Variants in SCN1A observed in about 807,000 individuals in gnomAD.
SCN1A encodes the protein sodium voltage-gated channel alpha subunit 1, also known as sodium channel protein type 1 subunit alpha.
In SCN1A, 13 loss-of-function variants were observed where a neutral mutation model predicts 193.7. That is an observed-to-expected ratio of 0.07 (90% CI 0.04 to 0.11). SCN1A has a LOEUF of 0.11. Among genes scored for constraint, SCN1A ranks in the 10% least tolerant of loss-of-function variants. The probability of loss-of-function intolerance (pLI) is 1.00; values close to 1 mark genes in which losing one functional copy is unlikely to be tolerated. For synonymous variants in SCN1A, 781 were observed against 843.6 expected, an observed-to-expected ratio of 0.93 and a Z score of 1.29; for missense variants, 1,432 against 2,451.1, an observed-to-expected ratio of 0.58 and a Z score of 8.78.
At chr2:166,020,683 A>C (rs1047374870) in intron 19 of SCN1A, among the ~76,000 whole-genome samples, 2 of 152,206 alleles carry the variant, frequency 1.3e-5, no homozygotes, top group Admixed American at 6.5e-5. Flanking sequence ...TAAATCCCCC[A>C]CATAGATACA....
chr2:166,103,254 C>A (rs573846079), intron 2 of SCN1A, among the ~76,000 whole-genome samples: 1 of 152,022 alleles, frequency 6.6e-6, no homozygotes, highest in Non-Finnish European at 1.5e-5. Context: ...AGCTCAAGAC[C>A]AGTCTGGCCA....
Position 165,994,300 on chromosome 2 carries a change from A to C in SCN1A, c.4698T>G (p.Ser1566Arg), listed in dbSNP as rs772966388. 7.4e-6 allele frequency: 12 copies of C among 1,613,112 alleles called. No individual in the cohort carries two copies. Among genetic ancestry groups the C allele is most frequent in the Non-Finnish European group, 8.5e-6 (10 of 1,179,488 alleles). ...VTMMVETDDQSEYVTTILSRI... is the reference protein window; with the variant it reads ...VTMMVETDDQREYVTTILSRI... ...GTGACAAAATGGTAGTCACATATTC[A>C]CTCTGGTCATCTGTTTCCACCATCA... The change falls in exon 28 of 29, where the codon AGT becomes AGG. Residue 1566 changes from serine (S) to arginine (R), a missense_variant. Coordinates refer to ENST00000674923, the MANE Select transcript of SCN1A (RefSeq NM_001165963.4).
intron 19 of SCN1A, among the ~76,000 whole-genome samples, chr2:166,018,412 C>T (rs1693599078): frequency 6.6e-6 from 1 of 151,984 alleles, no homozygotes; most frequent in Non-Finnish European, 1.5e-5. Flanking sequence ...CTTTTTGACA[C>T]ATTTTCAAAA....
At chr2:166,105,299 T>C (rs185236815) in intron 2 of SCN1A, among the ~76,000 whole-genome samples, 3 of 152,366 alleles carry the variant, frequency 2.0e-5, no homozygotes, top group African/African-American at 7.2e-5. Flanking sequence ...AGAATGAATT[T>C]GGTTATTAAC....
intron 2 of SCN1A, among the ~76,000 whole-genome samples, chr2:166,123,223 CAA>C (rs57488795): frequency 4.3e-5 from 5 of 116,410 alleles, no homozygotes; most frequent in African/African-American, 1.4e-4. Flanking sequence ...CATTCATTTG[CAA>C]AAAAAAAAAA....
intron 7 of SCN1A, among the ~76,000 whole-genome samples, chr2:166,054,196 A>G (rs1698892324): frequency 6.6e-6 from 1 of 151,950 alleles, no homozygotes; most frequent in Non-Finnish European, 1.5e-5. Flanking sequence ...CTTACTTTCA[A>G]TTATTTTACC....
rs181067932 is a variant in SCN1A at position 166,094,990 on chromosome 2, T to C, written c.-141-17189A>G. On this transcript the variant is annotated intron_variant, in intron 2 of 28. Coordinates refer to ENST00000674923, the MANE Select transcript of SCN1A (RefSeq NM_001165963.4). ...ATTTCACCACTCCTTTTAGATCATT[T>C]GGTCTTTATTATTCTGCTTTATATT... 2.0e-5 allele frequency among the ~76,000 whole-genome samples: 3 copies of C among 152,360 alleles called. No individual in the cohort carries two copies. In the East Asian group the frequency reaches 5.8e-4, roughly 29 times the overall value.
chr2:166,024,133 G>A (rs1370036902), intron 19 of SCN1A, among the ~76,000 whole-genome samples: 6 of 152,066 alleles, frequency 3.9e-5, no homozygotes, highest in Non-Finnish European at 7.4e-5. Context: ...GGCTGAGGTG[G>A]GAGGACGGCT....
Position 166,012,211 on chromosome 2 carries a change from G to A in SCN1A, c.3777C>T (p.Phe1259=). 6.2e-7 allele frequency: 1 copy of A among 1,610,338 alleles called. No homozygotes were observed. The highest frequency in any genetic ancestry group is 8.5e-7 in the Non-Finnish European group (1 of 1,177,484). The change falls in exon 22 of 29, where the codon TTC becomes TTT. Residue 1259 remains phenylalanine (F), a synonymous_variant. Coordinates refer to ENST00000674923, the MANE Select transcript of SCN1A (RefSeq NM_001165963.4). ...GCATTTCCAGAATGAAAATGTAAGT[G>A]AAAACCTTGTCAGCATATTCCAACA... The part of the protein sequence containing the change: ...KTMLEYADKV[F]TYIFILEMLL...
intron 2 of SCN1A, among the ~76,000 whole-genome samples, chr2:166,088,733 T>C (rs1367527423): frequency 6.6e-6 from 1 of 152,210 alleles, no homozygotes; most frequent in Admixed American, 6.5e-5. Flanking sequence ...ATTATTGTTT[T>C]AGAATGTTAC....
chr2:166,146,078 G>A (rs1322073838), intron 1 of SCN1A, among the ~76,000 whole-genome samples: 1 of 149,488 alleles, frequency 6.7e-6, no homozygotes, highest in Non-Finnish European at 1.5e-5. Flanking sequence ...AAAAACTAGG[G>A]ACAGACAGAC....
At chr2:166,125,862 C>G (rs1574621331) in intron 2 of SCN1A, among the ~76,000 whole-genome samples, 1 of 152,172 alleles carries the variant, frequency 6.6e-6, no homozygotes, top group East Asian at 1.9e-4. Context: ...ACTCTCCAGA[C>G]AGCACATTTC....
chr2:166,085,132 A>G (rs4667504), intron 2 of SCN1A, among the ~76,000 whole-genome samples: 4,161 of 152,292 alleles, frequency 0.027, 295 homozygotes, highest in Admixed American at 0.16. Context: ...TCTCTTGGCC[A>G]TGATGCCATC....
At chr2:166,042,029 C>T (rs1697249240) in intron 15 of SCN1A, among the ~76,000 whole-genome samples, 1 of 152,090 alleles carries the variant, frequency 6.6e-6, no homozygotes, top group South Asian at 2.1e-4. Flanking sequence ...AGATTAGAAA[C>T]CCCTAACAGA....
chr2:166,124,735 A>T (rs1274189994), intron 2 of SCN1A, among the ~76,000 whole-genome samples: 2 of 152,212 alleles, frequency 1.3e-5, no homozygotes, highest in African/African-American at 4.8e-5. Flanking sequence ...ATGATGAGCA[A>T]ACATCAAGAA....
At chr2:166,022,524 C>A (rs1036363669) in intron 19 of SCN1A, among the ~76,000 whole-genome samples, 1 of 152,054 alleles carries the variant, frequency 6.6e-6, no homozygotes, top group African/African-American at 2.4e-5. Context: ...TTTATGTCTG[C>A]AAACATGCTT....
Position 166,048,873 on chromosome 2 carries a change from A to T in SCN1A, c.1028+13T>A. 2 of 1,557,232 alleles carry T rather than the reference A, an allele frequency of 1.3e-6. No homozygotes were observed. Among genetic ancestry groups the T allele is most frequent in the Non-Finnish European group, 1.8e-6 (2 of 1,128,920 alleles). On this transcript the variant is annotated intron_variant, in intron 10 of 28. Transcript: ENST00000674923. Reference sequence around the variant, plus strand: ...TACAAATATACACAGATACACACAAATTATTGACTTACCCTGCATCAGAGC... The same window carrying T: ...TACAAATATACACAGATACACACAATTTATTGACTTACCCTGCATCAGAGC...
At chr2:166,129,832 T>C (rs529215527), upstream of SCN1A, among the ~76,000 whole-genome samples, 18 of 152,212 alleles carry the variant, frequency 1.2e-4, no homozygotes, top group East Asian at 3.5e-3. Context: ...TCTTAACAAT[T>C]CCCCCAATAG....
Position 166,106,881 on chromosome 2 carries a change from C to T in SCN1A, c.-142+20043G>A, listed in dbSNP as rs181014415. On this transcript the variant is annotated intron_variant, in intron 2 of 28. Coordinates refer to ENST00000674923, the MANE Select transcript of SCN1A (RefSeq NM_001165963.4). ...CTGACAAAGAGTAACGTTATGCTCA[C>T]GGTCTAAGAAAAATGCTTTAAGTGC... Among the ~76,000 whole-genome samples the T allele has an allele frequency of 7.0e-4, 106 of 152,078 alleles. 1 individual carries two copies. The highest frequency in any genetic ancestry group is 1.2e-3 in the Non-Finnish European group (81 of 68,002).
Sources: allele counts gnomAD v4.1 joint callset (sites outside exome capture counted in the v4.1 genomes callset), GRCh38; gene constraint gnomAD v4.1.1; transcripts MANE v1.5; gene names NCBI Gene and HGNC (gene_info 2026-07-23, HGNC 2026-07-21).